The following NHEJ1 variants were observed in gnomAD, a reference collection of about 807,000 sequenced individuals.
NHEJ1 encodes the protein non-homologous end-joining factor 1.
In NHEJ1, 22 loss-of-function variants were observed where a neutral mutation model predicts 39.4. That is an observed-to-expected ratio of 0.56 (90% CI 0.40 to 0.80). NHEJ1 has a LOEUF of 0.80. NHEJ1 is among the 30% of genes least tolerant of loss of function. The pLI, the probability that NHEJ1 is intolerant of heterozygous loss-of-function variation, is 0.00. For synonymous variants in NHEJ1, 154 were observed against 135.6 expected, an observed-to-expected ratio of 1.14 and a Z score of -0.94; for missense variants, 329 against 357.1, an observed-to-expected ratio of 0.92 and a Z score of 0.63.
Position 219,076,242 on chromosome 2 carries a change from A to C in NHEJ1, c.*139T>G. Reference sequence around the variant, plus strand: ...ATTCCCTGTGGGCCTGTCAACATCAACTTCAGTTCTCTCGCCCTTACAGGA... The same window carrying C: ...ATTCCCTGTGGGCCTGTCAACATCACCTTCAGTTCTCTCGCCCTTACAGGA... On this transcript the variant is annotated 3_prime_UTR_variant, in exon 8 of 8. Transcript: ENST00000356853. 2 of 1,547,622 alleles carry C rather than the reference A, an allele frequency of 1.3e-6. No individual in the cohort carries two copies. Among genetic ancestry groups the C allele is most frequent in the Non-Finnish European group, 1.7e-6 (2 of 1,145,774 alleles).
intron 1 of NHEJ1, chr2:219,159,064 G>C (rs968235949): frequency 2.6e-5 from 4 of 152,850 alleles, no homozygotes; most frequent in African/African-American, 9.7e-5. Flanking sequence ...AGGAGCAACA[G>C]AAAAGACCTA....
chr2:219,143,851 T>C (rs528467379), intron 5 of NHEJ1, among the ~76,000 whole-genome samples: 30 of 152,300 alleles, frequency 2.0e-4, no homozygotes, highest in African/African-American at 7.2e-4. Context: ...AAGTGATTTA[T>C]CCAAAGCTGC....
chr2:219,146,169 C>A (rs1481214179), intron 5 of NHEJ1, among the ~76,000 whole-genome samples: 3 of 152,174 alleles, frequency 2.0e-5, no homozygotes, highest in Admixed American at 2.0e-4. Flanking sequence ...CAATTATCTA[C>A]TCCCCATTCA....
At chr2:219,160,014 C>T (rs2106372093) in intron 1 of NHEJ1, among the ~76,000 whole-genome samples, 2 of 152,258 alleles carry the variant, frequency 1.3e-5, no homozygotes, top group South Asian at 4.1e-4. Flanking sequence ...ACCCCGGCTG[C>T]CTGCTCCCAC....
intron 1 of NHEJ1, 134 bp downstream of exon 1, chr2:219,160,586 C>A (rs3731890): frequency 3.3e-5 from 5 of 151,348 alleles, no homozygotes; most frequent in Admixed American, 1.3e-4. Context: ...ACCCCTCCCC[C>A]GGAGGCCTGC....
At chr2:219,134,262 G>C (rs1248648790) in intron 5 of NHEJ1, among the ~76,000 whole-genome samples, 6 of 152,226 alleles carry the variant, frequency 3.9e-5, no homozygotes, top group Non-Finnish European at 8.8e-5. Context: ...TTTGAGTCAA[G>C]ACAAATATGG....
chr2:219,123,799 C>T (rs1196250623), intron 5 of NHEJ1, among the ~76,000 whole-genome samples: 1 of 152,196 alleles, frequency 6.6e-6, no homozygotes, highest in Non-Finnish European at 1.5e-5. Context: ...AACAGAGAGG[C>T]CTGTAGGCCT....
chr2:219,076,367 G>C lies in NHEJ1; in HGVS notation c.*14C>G, dbSNP rs779417554. The C allele has an allele frequency of 2.2e-5, 35 of 1,614,016 alleles. No homozygotes were observed. The highest frequency in any genetic ancestry group is 2.8e-5 in the Non-Finnish European group (33 of 1,179,932). ...TTCTCCAAGTCCATCCTCAGCAGCT[G>C]AGGCCACAACAGATTAACTGAAGAG... On this transcript the variant is annotated 3_prime_UTR_variant, in exon 8 of 8. Transcript: ENST00000356853.
At chr2:219,151,127 CA>C (rs59576120) in intron 3 of NHEJ1, among the ~76,000 whole-genome samples, 8,327 of 56,116 alleles carry the variant, frequency 0.15, 167 homozygotes, top group Middle Eastern at 0.24. Context: ...GACCTTATCT[CA>C]AAAAAAAAAA....
intron 5 of NHEJ1, among the ~76,000 whole-genome samples, chr2:219,116,466 T>G (rs552611115): frequency 6.6e-6 from 1 of 152,054 alleles, no homozygotes; most frequent in African/African-American, 2.4e-5. Context: ...AAGCAATCCT[T>G]CCACCTCAGC....
intron 5 of NHEJ1, among the ~76,000 whole-genome samples, chr2:219,080,466 G>A (rs1345598254): frequency 6.6e-6 from 1 of 151,376 alleles, no homozygotes; most frequent in Non-Finnish European, 1.5e-5. Flanking sequence ...CAGAGCTTGC[G>A]GTGAGCTGAG....
intron 5 of NHEJ1, among the ~76,000 whole-genome samples, chr2:219,124,944 C>T (rs1949501628): frequency 1.3e-5 from 2 of 152,184 alleles, no homozygotes; most frequent in Admixed American, 1.3e-4. Flanking sequence ...AACTGAGGGG[C>T]CCCCTTCAGA....
chr2:219,128,500 C>T (rs367833059), intron 5 of NHEJ1, among the ~76,000 whole-genome samples: 2 of 152,088 alleles, frequency 1.3e-5, no homozygotes, highest in African/African-American at 2.4e-5. Context: ...TCTGCTACCT[C>T]GGATGAGGAA....
intron 5 of NHEJ1, among the ~76,000 whole-genome samples, chr2:219,141,432 T>C (rs1242926868): frequency 1.3e-5 from 2 of 150,280 alleles, no homozygotes; most frequent in Non-Finnish European, 3.0e-5. Flanking sequence ...AAATGGCTAA[T>C]TTCAGACAAC....
chr2:219,130,484 G>A (rs930808527), intron 5 of NHEJ1, among the ~76,000 whole-genome samples: 2 of 116,560 alleles, frequency 1.7e-5, no homozygotes, highest in East Asian at 2.6e-4. Flanking sequence ...TTCCAAAAAC[G>A]GCTGTAAGAA....
At chr2:219,102,121 T>G (rs1949267244) in intron 5 of NHEJ1, among the ~76,000 whole-genome samples, 1 of 152,196 alleles carries the variant, frequency 6.6e-6, no homozygotes, top group African/African-American at 2.4e-5. Flanking sequence ...GTTTCCAATT[T>G]TCTGTATTAT....
At chr2:219,107,048 C>T (rs1426836950) in intron 5 of NHEJ1, among the ~76,000 whole-genome samples, 1 of 152,046 alleles carries the variant, frequency 6.6e-6, no homozygotes, top group Non-Finnish European at 1.5e-5. Flanking sequence ...GCTGAGAGAG[C>T]GATATAGAAG....
chr2:219,087,619 C>T (rs1208853621), intron 5 of NHEJ1, among the ~76,000 whole-genome samples: 5 of 152,236 alleles, frequency 3.3e-5, no homozygotes, highest in Non-Finnish European at 5.9e-5. Flanking sequence ...ACAGTGTCTT[C>T]TCTGCCCTGA....
chr2:219,096,552 G>A (rs1949210230), intron 5 of NHEJ1, among the ~76,000 whole-genome samples: 1 of 152,078 alleles, frequency 6.6e-6, no homozygotes, highest in South Asian at 2.1e-4. Context: ...TGCAATGGGG[G>A]AAAAAAAGAG....
Sources: allele counts gnomAD v4.1 joint callset (sites outside exome capture counted in the v4.1 genomes callset), GRCh38; gene constraint gnomAD v4.1.1; transcripts MANE v1.5; gene names NCBI Gene and HGNC (gene_info 2026-07-23, HGNC 2026-07-21).